Variants in ZBTB45 observed in about 807,000 individuals in gnomAD.
ZBTB45 encodes zinc finger and BTB domain-containing protein 45.
In ZBTB45, 22 loss-of-function variants were observed where a neutral mutation model predicts 28.4. The ratio of observed to expected loss-of-function variants is 0.77; its 90% CI spans 0.55 to 1.10. The LOEUF (loss-of-function observed/expected upper bound fraction) is 1.10. Among genes scored for constraint, ZBTB45 ranks in the 50% least tolerant of loss-of-function variants. The probability of loss-of-function intolerance (pLI) is 0.00; values close to 1 mark genes in which losing one functional copy is unlikely to be tolerated. For missense variants in ZBTB45, 656 were observed against 750.2 expected (o/e 0.87, Z 1.47); for synonymous variants, 361 against 332.3 (o/e 1.09, Z -0.94).
At chr19:58,529,983 A>T (rs1174009556) in intron 1 of ZBTB45, among the ~76,000 whole-genome samples, 1 of 152,148 alleles carries the variant, frequency 6.6e-6, no homozygotes, top group Non-Finnish European at 1.5e-5. Flanking sequence ...CAGGTGGATC[A>T]CTTGAGCACA....
upstream of ZBTB45, among the ~76,000 whole-genome samples, chr19:58,523,820 G>A (rs1354636949): frequency 2.1e-5 from 2 of 94,152 alleles, no homozygotes; most frequent in African/African-American, 3.3e-5. Flanking sequence ...ACAGGCGCCC[G>A]CCACCAGGCC....
intron 1 of ZBTB45, among the ~76,000 whole-genome samples, chr19:58,537,072 G>A (rs572824668): frequency 6.6e-6 from 1 of 152,208 alleles, no homozygotes; most frequent in Admixed American, 6.5e-5. Flanking sequence ...ATGGACCTCT[G>A]AGTGAGGTCC....
intron 2 of ZBTB45, 65 bp from the exon 3 acceptor site, chr19:58,514,375 C>G: frequency 7.6e-7 from 1 of 1,323,542 alleles, no homozygotes; most frequent in Non-Finnish European, 9.7e-7. Flanking sequence ...CCCACCCCAC[C>G]CCACCCCCAC....
chr19:58,517,008 A>T lies in ZBTB45; in HGVS notation c.666T>A (p.Asp222Glu). 6.2e-7 allele frequency: 1 copy of T among 1,613,204 alleles called. No individual in the cohort carries two copies. Among genetic ancestry groups the T allele is most frequent in the Non-Finnish European group, 8.5e-7 (1 of 1,179,984 alleles). Residue 222 changes from aspartate to glutamate, a missense_variant, in exon 2 of 3, where the codon GAT (aspartate) becomes GAA (glutamate). By Grantham distance (45) the Asp-to-Glu change is conservative (BLOSUM62 2). Coordinates refer to ENST00000594051, the MANE Select transcript of ZBTB45 (RefSeq NM_001316979.2). The stretch of plus-strand genomic sequence containing the variant: ...CCTCGCCTGGGCCGCCACCTTCGCC[A>T]TCCTCGCCATCGGTCTCATCGTCAC... Reference protein sequence around the residue: ...EESDDETDGEDGEGGGPGEGQ... With the variant: ...EESDDETDGEEGEGGGPGEGQ...
At chr19:58,522,200 C>T (rs1232202210), upstream of ZBTB45, among the ~76,000 whole-genome samples, 4 of 150,328 alleles carry the variant, frequency 2.7e-5, no homozygotes, top group Non-Finnish European at 5.9e-5. Flanking sequence ...TCGCTCTTGT[C>T]CCCCAGGCTG....
chr19:58,523,373 C>T (rs184895976), upstream of ZBTB45, among the ~76,000 whole-genome samples: 365 of 151,978 alleles, frequency 2.4e-3, 1 homozygote, highest in African/African-American at 8.0e-3. Flanking sequence ...TGGTGAAACC[C>T]GGTCTCTACT....
chr19:58,537,401 T>G (rs536809291), intron 1 of ZBTB45, among the ~76,000 whole-genome samples: 1 of 152,158 alleles, frequency 6.6e-6, no homozygotes, highest in East Asian at 1.9e-4. Flanking sequence ...ACCTCTCTAT[T>G]GTGCAGAGAG....
chr19:58,516,475 G>C lies in ZBTB45; in HGVS notation c.1199C>G (p.Pro400Arg). 1 of 1,613,948 alleles carries C rather than the reference G, an allele frequency of 6.2e-7. No homozygotes were observed. The highest frequency in any genetic ancestry group is 8.5e-7 in the Non-Finnish European group (1 of 1,179,864). Residue 400 changes from proline (P) to arginine (R), a missense_variant, in exon 2 of 3, where the codon CCA becomes CGA. This residue lies in a region of ZBTB45 where 448 missense variants were observed against 444.3 expected (regional missense o/e 1.01). Coordinates refer to ENST00000594051, the MANE Select transcript of ZBTB45 (RefSeq NM_001316979.2). This position sits in a 1 kb window ranked among gnomAD's most constrained non-coding sequence, Gnocchi z 6.2. ...ACAGTGGCTGCACTCATACGTAGGT[G>C]GCTCAGCACCTGGGGTGCGAGCAGG... is the stretch of plus-strand genomic sequence containing the variant. ...GTPARTPGAE[P>R]PTYECSHCRK...
chr19:58,523,966 T>C (rs1422706611), upstream of ZBTB45, among the ~76,000 whole-genome samples: 43 of 138,162 alleles, frequency 3.1e-4, no homozygotes, highest in East Asian at 7.1e-4. Context: ...CCCAGCTACT[T>C]GGGAGGCTGA....
In ZBTB45 at chr19:58,517,045, TCCTCGTCA is replaced by T; in HGVS notation, c.621_628del (p.Asp208Ter). The T allele has an allele frequency of 6.2e-7, 1 of 1,613,216 alleles. No homozygotes were observed. Among genetic ancestry groups the T allele is most frequent in the Middle Eastern group, 1.6e-4 (1 of 6,062 alleles). ...GGTCTCATCGTCACTTTCCTCGTCA[TCCTCGTCA>T]CCTCGGTCATCAGGGGCCGCGGACA... On this transcript the variant is annotated frameshift_variant, in exon 2 of 3. Coordinates refer to ENST00000594051, the MANE Select transcript of ZBTB45 (RefSeq NM_001316979.2). LOFTEE classifies it high-confidence loss of function.
upstream of ZBTB45, among the ~76,000 whole-genome samples, chr19:58,520,925 G>T (rs1163161193): frequency 6.6e-6 from 1 of 151,440 alleles, no homozygotes; most frequent in South Asian, 2.1e-4. Flanking sequence ...GGTGGCAGGC[G>T]CCTGTAGTCC....
intron 1 of ZBTB45, among the ~76,000 whole-genome samples, chr19:58,531,047 CTGTT>C (rs1210066942): frequency 6.6e-6 from 1 of 152,144 alleles, no homozygotes; most frequent in African/African-American, 2.4e-5. Flanking sequence ...TCGTGTTTAA[CTGTT>C]TGAGGAACTG....
At chr19:58,514,689 T>C (rs1348333055) in intron 2 of ZBTB45, among the ~76,000 whole-genome samples, 1 of 152,108 alleles carries the variant, frequency 6.6e-6, no homozygotes, top group Non-Finnish European at 1.5e-5. Context: ...CCAGCCTGTC[T>C]GGAACATCTG....
intron 1 of ZBTB45, among the ~76,000 whole-genome samples, chr19:58,531,303 TA>T (rs1169520902): frequency 6.6e-6 from 1 of 152,208 alleles, no homozygotes; most frequent in African/African-American, 2.4e-5. Flanking sequence ...CCTTTTTAAA[TA>T]GTTGTATTGA....
upstream of ZBTB45, among the ~76,000 whole-genome samples, chr19:58,523,512 T>C (rs1316558610): frequency 6.6e-6 from 1 of 151,298 alleles, no homozygotes; most frequent in Non-Finnish European, 1.5e-5. Context: ...GAAAACCCCA[T>C]CTCTAGCTGG....
chr19:58,518,748 A>G (rs1256291672), intron 1 of ZBTB45, among the ~76,000 whole-genome samples: 4 of 151,788 alleles, frequency 2.6e-5, no homozygotes, highest in African/African-American at 9.7e-5. Context: ...CTCATCCCGC[A>G]CCCAGACTGC....
Position 58,515,035 on chromosome 19 carries a change from C to T in ZBTB45, c.1280-725G>A, listed in dbSNP as rs779217135. Among the ~76,000 whole-genome samples the T allele has an allele frequency of 2.0e-5, 3 of 152,132 alleles. No homozygotes were observed. Among genetic ancestry groups the T allele is most frequent in the Non-Finnish European group, 4.4e-5 (3 of 68,018 alleles). ...AGATTCATCAGATGTTAACAAAATG[C>T]CTGTCTCAGCCAGGCGTGGTGGCTC... On this transcript the variant is annotated intron_variant, in intron 2 of 2. Coordinates refer to ENST00000594051, the MANE Select transcript of ZBTB45 (RefSeq NM_001316979.2). The surrounding 1 kb of genome is among the most constrained non-coding windows in gnomAD (Gnocchi z 4.7).
Position 58,516,275 on chromosome 19 carries a change from G to A in ZBTB45, c.1279+120C>T, listed in dbSNP as rs2053491971. The A allele has an allele frequency of 3.9e-6, 5 of 1,289,548 alleles. No individual in the cohort carries two copies. The South Asian group carries it at 7.1e-5, about 18-fold the overall frequency. 79.9% of individuals were successfully genotyped at this position (1,289,548 alleles called of 1,614,324 possible). A position where few individuals can be genotyped will look rare whatever the true frequency, so the allele number is the denominator to read the frequency against. On this transcript the variant is annotated intron_variant, in intron 2 of 2. Coordinates refer to ENST00000594051, the MANE Select transcript of ZBTB45 (RefSeq NM_001316979.2). The surrounding 1 kb of genome is among the most constrained non-coding windows in gnomAD (Gnocchi z 6.2). The stretch of plus-strand genomic sequence containing the variant: ...ACTTGGGGGAAGGCTCAATTTCTAG[G>A]CCCCCTGCTAACCAAAAGTAACAGA...
rs781091082 is a variant in ZBTB45 at position 58,516,511 on chromosome 19, G to A, written c.1163C>T (p.Pro388Leu). The A allele has an allele frequency of 1.2e-5, 19 of 1,613,550 alleles. No individual in the cohort carries two copies. The highest frequency in any genetic ancestry group is 1.6e-5 in the Non-Finnish European group (19 of 1,179,726). Reference protein sequence around the residue: ...PAPSAAPTTAPSGTPARTPGA... With the variant: ...PAPSAAPTTALSGTPARTPGA... The stretch of plus-strand genomic sequence containing the variant: ...TGGGGTGCGAGCAGGGGTGCCTGAG[G>A]GGGCCGTGGTGGGAGCAGCAGAGGG... The change falls in exon 2 of 3, where the codon CCC (proline) becomes CTC (leucine). Residue 388 changes from proline to leucine, a missense_variant. Pro to Leu is a moderately conservative substitution (Grantham distance 98). Transcript: ENST00000594051. The surrounding 1 kb of genome is among the most constrained non-coding windows in gnomAD (Gnocchi z 6.2).
Sources: allele counts gnomAD v4.1 joint callset (sites outside exome capture counted in the v4.1 genomes callset), GRCh38; gene constraint gnomAD v4.1.1; regional missense constraint gnomAD v4.1.1; non-coding constraint Gnocchi (gnomAD v3.1); transcripts MANE v1.5; gene names NCBI Gene and HGNC (gene_info 2026-07-23, HGNC 2026-07-21).